The following CD274 variants were observed in gnomAD, a reference collection of about 807,000 sequenced individuals.
CD274 encodes programmed cell death 1 ligand 1.
Under a neutral mutation model 30.1 loss-of-function variants are expected in CD274, and 8 were observed. The observed-to-expected ratio is 0.27, with a 90% CI of 0.16 to 0.48. CD274 has a LOEUF of 0.48. Ranked by LOEUF, CD274 falls within the 20% of genes least tolerant of loss-of-function variation. The pLI is 0.99. For missense variants in CD274, 353 were observed against 346.6 expected, an observed-to-expected ratio of 1.02 and a Z score of -0.15; for synonymous variants, 152 against 124.6, an observed-to-expected ratio of 1.22 and a Z score of -1.46.
At chr9:5,464,673 C>A (rs920748649) in intron 4 of CD274, among the ~76,000 whole-genome samples, 6 of 152,156 alleles carry the variant, frequency 3.9e-5, no homozygotes, top group Non-Finnish European at 8.8e-5. Flanking sequence ...AAGCATTGGC[C>A]TCCAATCATG....
chr9:5,452,057 A>C, intron 1 of CD274, among the ~76,000 whole-genome samples: 2 of 128,084 alleles, frequency 1.6e-5, no homozygotes, highest in African/African-American at 3.0e-5. Flanking sequence ...ACAGAGTCTC[A>C]CTCTGTTGCC....
intron 1 of CD274, among the ~76,000 whole-genome samples, chr9:5,451,243 T>G (rs1009958640): frequency 2.6e-5 from 4 of 152,228 alleles, no homozygotes; most frequent in African/African-American, 9.6e-5. Flanking sequence ...TTTTTAATAC[T>G]TGAAAAAAAT....
chr9:5,452,026 C>CTTTT (rs71326169), intron 1 of CD274, among the ~76,000 whole-genome samples: 14 of 126,450 alleles, frequency 1.1e-4, no homozygotes, highest in South Asian at 2.5e-4. Flanking sequence ...TTTTTTTTGT[C>CTTTT]TTTTTTTTTT....
chr9:5,462,570 T>C (rs1819423138), intron 3 of CD274, among the ~76,000 whole-genome samples: 2 of 152,328 alleles, frequency 1.3e-5, no homozygotes, highest in African/African-American at 4.8e-5. Context: ...AAATTAATCT[T>C]TACATTTTGT....
intron 4 of CD274, chr9:5,463,334 T>C: frequency 1.8e-6 from 1 of 563,420 alleles, no homozygotes. Flanking sequence ...GGAATATACC[T>C]TTTGTTCCAT....
rs1819503961 is a variant in CD274 at position 5,466,800 on chromosome 9, T to A, written c.821T>A (p.Ile274Asn). ...ATGATGGATGTGAAAAAATGTGGCA[T>A]CCAAGATACAAACTCAAAGAAGCAA... ...GRMMDVKKCG[I>N]QDTNSKKQSD... The change falls in exon 6 of 7, where the codon ATC becomes AAC. Residue 274 changes from isoleucine (I) to asparagine (N), a missense_variant. Transcript: ENST00000381577. 6.2e-7 allele frequency: 1 copy of A among 1,610,648 alleles called. No individual in the cohort carries two copies. Among genetic ancestry groups the A allele is most frequent in the Non-Finnish European group, 8.5e-7 (1 of 1,178,716 alleles).
At chr9:5,467,222 G>A (rs180888407) in intron 6 of CD274, among the ~76,000 whole-genome samples, 1 of 132,474 alleles carries the variant, frequency 7.5e-6, no homozygotes, top group African/African-American at 2.8e-5. Flanking sequence ...GAGAGAGAGA[G>A]AGAGAAATAC....
chr9:5,454,202 C>T (rs896607239), intron 1 of CD274, among the ~76,000 whole-genome samples: 2 of 151,938 alleles, frequency 1.3e-5, no homozygotes, highest in Non-Finnish European at 2.9e-5. Context: ...TTTCCTGATA[C>T]TAAAAATAAA....
intron 2 of CD274, among the ~76,000 whole-genome samples, chr9:5,456,735 C>T (rs954450865): frequency 6.6e-6 from 1 of 152,192 alleles, no homozygotes; most frequent in Non-Finnish European, 1.5e-5. Flanking sequence ...AAATAGGTGT[C>T]CTGTCAAAGG....
chr9:5,461,491 A>G (rs1371689956), intron 3 of CD274, among the ~76,000 whole-genome samples: 1 of 152,152 alleles, frequency 6.6e-6, no homozygotes, highest in Non-Finnish European at 1.5e-5. Context: ...GTATCAAAAC[A>G]TCACTCATTA....
At chr9:5,453,397 G>A (rs758862858) in intron 1 of CD274, among the ~76,000 whole-genome samples, 5 of 152,168 alleles carry the variant, frequency 3.3e-5, no homozygotes, top group East Asian at 1.9e-4. Flanking sequence ...AACATGTGTT[G>A]AGAACCAGAA....
rs1819503276 is a variant in CD274 at position 5,466,747 on chromosome 9, A to C, written c.791-23A>C. 10 of 1,594,874 alleles carry C rather than the reference A, an allele frequency of 6.3e-6. No homozygotes were observed. In the South Asian group the frequency reaches 7.7e-5, roughly 12 times the overall value. ...ATGTAGAGCTGTGCTATATGGAAAT[A>C]AAAATGATTTCTTTTTCTCAAGGGA... On this transcript the variant is annotated intron_variant, in intron 5 of 6. Transcript: ENST00000381577.
rs1347840317 is a variant in CD274 at position 5,463,000 on chromosome 9, G to A, written c.561G>A (p.Glu187=). The change falls in exon 4 of 7, where the codon GAG becomes GAA. Residue 187 remains glutamate (E), a synonymous_variant. Coordinates refer to ENST00000381577, the MANE Select transcript of CD274 (RefSeq NM_014143.4). The part of the protein sequence containing the change: ...GKTTTTNSKR[E]EKLFNVTSTL... ...CCACCACCACCAATTCCAAGAGAGAGGAGAAGCTTTTCAATGTGACCAGCA... is the reference window on the plus strand; with the variant it reads ...CCACCACCACCAATTCCAAGAGAGAAGAGAAGCTTTTCAATGTGACCAGCA... 1.2e-6 allele frequency: 2 copies of A among 1,613,936 alleles called. No homozygotes were observed. The highest frequency in any genetic ancestry group is 1.7e-5 in the Admixed American group (1 of 59,972).
At chr9:5,459,612 G>T (rs922086152) in intron 3 of CD274, among the ~76,000 whole-genome samples, 8 of 152,190 alleles carry the variant, frequency 5.3e-5, no homozygotes, top group African/African-American at 1.9e-4. Flanking sequence ...AAATTTGAAA[G>T]AATTTAGTTT....
Position 5,469,557 on chromosome 9 carries a change from T to G in CD274, c.*1695T>G, listed in dbSNP as rs1819553545. The G allele has an allele frequency of 4.3e-6, 1 of 231,748 alleles. No homozygotes were observed. The highest frequency in any genetic ancestry group is 2.2e-5 in the African/African-American group (1 of 45,288). The allele number at this position is 231,748 out of a possible 1,614,324, so 14.4% of individuals were successfully genotyped here. On this transcript the variant is annotated 3_prime_UTR_variant, in exon 7 of 7. Transcript: ENST00000381577. The stretch of plus-strand genomic sequence containing the variant: ...GTGTACTTTGCTATTTTTATTTATT[T>G]TAGTGTTTCTTATATAGCAGATGGA...
intron 6 of CD274, 96 bp from the exon 7 acceptor site, chr9:5,467,744 T>C (rs1586769750): frequency 1.0e-6 from 1 of 955,738 alleles, no homozygotes; most frequent in South Asian, 1.3e-5. Flanking sequence ...TCATTTATCA[T>C]ATCAGCAACT....
chr9:5,464,789 T>C (rs948900105), intron 4 of CD274, among the ~76,000 whole-genome samples: 2 of 152,124 alleles, frequency 1.3e-5, no homozygotes, highest in African/African-American at 4.8e-5. Context: ...GCTTCTATAT[T>C]AAAGAATGCA....
chr9:5,450,816 G>C (rs1167379263), intron 1 of CD274, among the ~76,000 whole-genome samples: 4 of 152,218 alleles, frequency 2.6e-5, no homozygotes, highest in African/African-American at 4.8e-5. Flanking sequence ...ATTCAGTTTT[G>C]CTCTAAAAAT....
intron 5 of CD274, 126 bp downstream of exon 5, chr9:5,465,732 G>A (rs2297137): frequency 0.22 from 133,785 of 604,260 alleles, 17,279 homozygotes; most frequent in East Asian, 0.48. Flanking sequence ...CTGTTCAACA[G>A]CAATTATATT....
Sources: gnomAD v4.1 joint callset for allele counts (sites outside exome capture counted in the v4.1 genomes callset) on GRCh38, gnomAD v4.1.1 for gene constraint, MANE v1.5 for transcripts, NCBI Gene and HGNC (gene_info 2026-07-23, HGNC 2026-07-21) for gene names.